TTC8: variants seen among roughly 807,000 people sequenced by gnomAD.
TTC8 encodes tetratricopeptide repeat domain 8, also known as tetratricopeptide repeat protein 8.
In TTC8, 47 loss-of-function variants were observed where a neutral mutation model predicts 72.5. The ratio of observed to expected loss-of-function variants is 0.65; its 90% CI spans 0.51 to 0.83. The LOEUF (loss-of-function observed/expected upper bound fraction) is 0.83. Among genes scored for constraint, TTC8 ranks in the 40% least tolerant of loss-of-function variants. The pLI is 0.00. For synonymous variants in TTC8, 199 were observed against 221.4 expected (o/e 0.90, Z 0.90); for missense variants, 611 against 623.2 (o/e 0.98, Z 0.21).
intron 2 of TTC8, among the ~76,000 whole-genome samples, chr14:88,835,457 A>G (rs536730574): frequency 6.6e-4 from 100 of 152,308 alleles, no homozygotes; most frequent in Non-Finnish European, 1.3e-3. Context: ...ATTGTGTTTC[A>G]CAGATAAAAA....
chr14:88,846,531 T>C, intron 7 of TTC8: 1 of 786,366 alleles, frequency 1.3e-6, no homozygotes. Flanking sequence ...TTGTTGGTGA[T>C]GAGTTTAGAA....
At chr14:88,835,756 T>A (rs1595934285) in intron 2 of TTC8, among the ~76,000 whole-genome samples, 1 of 152,206 alleles carries the variant, frequency 6.6e-6, no homozygotes, top group Admixed American at 6.5e-5. Context: ...AATCACTGAT[T>A]AGTTTTAAAC....
Position 88,853,033 on chromosome 14 carries a change from A to G in TTC8, c.687A>G (p.Val229=). The G allele has an allele frequency of 1.2e-6, 2 of 1,613,358 alleles. No individual in the cohort carries two copies. The highest frequency in any genetic ancestry group is 2.2e-5 in the South Asian group (2 of 91,078). ...AGTACAAGGACTGGTGGTGGAAAGT[A>G]CAGATTGGAAAATGTTACTACAGGT... The part of the protein sequence containing the change: ...HSQYKDWWWK[V]QIGKCYYRLG... The change falls in exon 8 of 15, where the codon GTA becomes GTG. Residue 229 remains valine (V), a synonymous_variant. Coordinates refer to ENST00000380656, the MANE Select transcript of TTC8 (RefSeq NM_144596.4).
chr14:88,828,077 C>T (rs975206590), intron 1 of TTC8, among the ~76,000 whole-genome samples: 4 of 152,148 alleles, frequency 2.6e-5, no homozygotes, highest in South Asian at 2.1e-4. Context: ...TTTGTCTTCC[C>T]CTGCCCCATC....
At chr14:88,859,060 T>A (rs1022359526) in intron 9 of TTC8, among the ~76,000 whole-genome samples, 6 of 152,178 alleles carry the variant, frequency 3.9e-5, no homozygotes, top group Non-Finnish European at 7.3e-5. Context: ...GTTAAATACA[T>A]GGCTTCACCT....
intron 14 of TTC8, 109 bp downstream of exon 14, chr14:88,875,218 A>G (rs1456532510): frequency 3.1e-6 from 3 of 954,810 alleles, no homozygotes; most frequent in Admixed American, 2.3e-5. Flanking sequence ...CCTGAAAGAA[A>G]TGACTTTTTA....
intron 3 of TTC8, chr14:88,840,134 A>G (rs1046999400): frequency 6.3e-6 from 1 of 159,384 alleles, no homozygotes; most frequent in African/African-American, 2.4e-5. Flanking sequence ...CCCAGCTTGG[A>G]GATGTGGTGG....
intron 1 of TTC8, among the ~76,000 whole-genome samples, chr14:88,831,907 G>A (rs2094727717): frequency 6.6e-6 from 1 of 152,028 alleles, no homozygotes; most frequent in Non-Finnish European, 1.5e-5. Context: ...GTTCACCTAA[G>A]TCATCTATAA....
chr14:88,849,587 T>C (rs1314556194), intron 7 of TTC8, among the ~76,000 whole-genome samples: 2 of 152,146 alleles, frequency 1.3e-5, no homozygotes, highest in Admixed American at 6.5e-5. Context: ...ATAAAATTGA[T>C]TGTCCATGGA....
intron 8 of TTC8, among the ~76,000 whole-genome samples, chr14:88,856,285 T>A (rs1383309270): frequency 2.0e-5 from 3 of 152,152 alleles, no homozygotes; most frequent in Non-Finnish European, 4.4e-5. Flanking sequence ...CAATAGCTAT[T>A]TGGGCATCAG....
At chr14:88,852,225 CCT>C (rs1566844865) in intron 7 of TTC8, among the ~76,000 whole-genome samples, 1 of 152,176 alleles carries the variant, frequency 6.6e-6, no homozygotes. Context: ...GTTTCCACCT[CCT>C]CTATGTAAAA....
Position 88,829,566 on chromosome 14 carries a change from A to AAT in TTC8, c.115-4126_115-4125dup, listed in dbSNP as rs2094716976. On this transcript the variant is annotated intron_variant, in intron 1 of 14. Coordinates refer to ENST00000380656, the MANE Select transcript of TTC8 (RefSeq NM_144596.4). Reference sequence around the variant, plus strand: ...TTTTAAAAGACAATATGCTTTCATTAATGGGGTAGGTGTCTGGTAGATTTT... The same window carrying AAT: ...TTTTAAAAGACAATATGCTTTCATTAATATGGGGTAGGTGTCTGGTAGATTTT... Among the ~76,000 whole-genome samples, 3 of 152,318 alleles carry AAT rather than the reference A, an allele frequency of 2.0e-5. No individual in the cohort carries two copies. In the South Asian group the frequency reaches 6.2e-4, roughly 32 times the overall value.
chr14:88,875,918 C>T (rs1368988696), intron 14 of TTC8, among the ~76,000 whole-genome samples: 1 of 152,146 alleles, frequency 6.6e-6, no homozygotes, highest in Non-Finnish European at 1.5e-5. Context: ...CCCCGCCTTC[C>T]TCACTCATTT....
intron 8 of TTC8, among the ~76,000 whole-genome samples, chr14:88,856,238 T>C (rs2141005422): frequency 6.6e-6 from 1 of 152,344 alleles, no homozygotes; most frequent in Middle Eastern, 3.4e-3. Flanking sequence ...CCACATCTTC[T>C]CACTTTAGCC....
intron 1 of TTC8, among the ~76,000 whole-genome samples, chr14:88,832,684 A>G (rs1455487145): frequency 6.6e-6 from 1 of 152,146 alleles, no homozygotes; most frequent in Non-Finnish European, 1.5e-5. Context: ...AAGTAAACAG[A>G]AGAAAGAAAG....
At chr14:88,836,119 G>T (rs2094749660) in intron 2 of TTC8, among the ~76,000 whole-genome samples, 1 of 152,084 alleles carries the variant, frequency 6.6e-6, no homozygotes, top group African/African-American at 2.4e-5. Context: ...TGTTTCTTAA[G>T]AATCATATTT....
In TTC8 at chr14:88,840,910, G is replaced by T. The variant is rs1476690534; in HGVS notation, c.311G>T (p.Gly104Val). The change falls in exon 4 of 15, where the codon GGG (glycine) becomes GTG (valine). Residue 104 changes from glycine (G) to valine (V), a missense_variant. Transcript: ENST00000380656. The part of the protein sequence containing the change: ...LKLPGTNQTG[G>V]PSQAVRPITQ... ...CTCCCTGGAACTAATCAGACAGGAGGGCCTAGCCAGGCCGTTAGGTATGTA... is the reference window on the plus strand; with the variant it reads ...CTCCCTGGAACTAATCAGACAGGAGTGCCTAGCCAGGCCGTTAGGTATGTA... 6.2e-7 allele frequency: 1 copy of T among 1,613,926 alleles called. No individual in the cohort carries two copies. The highest frequency in any genetic ancestry group is 2.2e-5 in the East Asian group (1 of 44,894).
rs72697969 is a variant in TTC8 at position 88,872,855 on chromosome 14, A to G, written c.1347+403A>G. Among the ~76,000 whole-genome samples the G allele has an allele frequency of 9.3e-3, 1,422 of 152,242 alleles. 7 individuals carry two copies. The highest frequency in any genetic ancestry group is 0.021 in the Admixed American group (315 of 15,298). On this transcript the variant is annotated intron_variant, in intron 13 of 14. Coordinates refer to ENST00000380656, the MANE Select transcript of TTC8 (RefSeq NM_144596.4). ...CAGCAAGCCCTGTCATTCTGACCTC[A>G]GAGTCCCATCACATTCTGAGCCTGG...
rs763242905 is a variant in TTC8 at position 88,839,589 on chromosome 14, C to CTGAA, written c.265+17_265+18insTGAA. The CTGAA allele has an allele frequency of 6.2e-7, 1 of 1,612,198 alleles. No homozygotes were observed. Among genetic ancestry groups the CTGAA allele is most frequent in the African/African-American group, 1.3e-5 (1 of 74,886 alleles). On this transcript the variant is annotated intron_variant, in intron 3 of 14. Transcript: ENST00000380656. ...AAGTTCCACGTAAGTATTGGGTTTT[C>CTGAA]AGTTAAGTTAATGAAATACCATTAA...
Sources: allele counts gnomAD v4.1 joint callset (sites outside exome capture counted in the v4.1 genomes callset), GRCh38; gene constraint gnomAD v4.1.1; transcripts MANE v1.5; gene names NCBI Gene and HGNC (gene_info 2026-07-23, HGNC 2026-07-21).